Variants in CD3E observed in about 807,000 individuals in gnomAD.
CD3E encodes the protein CD3 epsilon subunit of T-cell receptor complex, also known as T-cell surface glycoprotein CD3 epsilon chain.
Under a neutral mutation model 34.7 loss-of-function variants are expected in CD3E, and 16 were observed. That is an observed-to-expected ratio of 0.46 (90% CI 0.31 to 0.70). The LOEUF is 0.70. CD3E is among the 30% of genes least tolerant of loss of function. CD3E has a pLI of 0.05. For missense variants in CD3E, 223 were observed against 253.9 expected (o/e 0.88, Z 0.83); for synonymous variants, 70 against 90.8 (o/e 0.77, Z 1.30).
intron 8 of CD3E, 91 bp from the exon 9 acceptor site, chr11:118,315,395 T>G (rs1948160454): frequency 9.0e-7 from 1 of 1,114,270 alleles, no homozygotes; most frequent in East Asian, 2.5e-5. Flanking sequence ...CCAAAGTTCT[T>G]CCCACGCACT....
At chr11:118,314,160 G>C (rs773365579) in intron 7 of CD3E, among the ~76,000 whole-genome samples, 1 of 152,178 alleles carries the variant, frequency 6.6e-6, no homozygotes, top group Non-Finnish European at 1.5e-5. Flanking sequence ...GCTGTGGGAA[G>C]AGAGACTTTG....
At chr11:118,307,242 A>T in intron 2 of CD3E, 46 bp from the exon 3 acceptor site, 1 of 1,502,852 alleles carries the variant, frequency 6.7e-7, no homozygotes, top group African/African-American at 1.4e-5. Flanking sequence ...GAATGCAGGT[A>T]CCCACAACAT....
rs1948119244 is a variant in CD3E, at chr11:118,308,432, G to A, written c.76G>A (p.Glu26Lys). Residue 26 changes from glutamate to lysine, a missense_variant, in exon 4 of 9, where the codon GAA (glutamate) becomes AAA (lysine). Glu to Lys is a moderately conservative substitution (Grantham distance 56, BLOSUM62 1). Transcript: ENST00000361763. ...SVGVWGQDGN[E>K]EMGGITQTPY... ...TCTTACTGTTTCCTTTTCAGGTAAT[G>A]AAGAAATGGGTAAGAAGATTTCCAC... 4 of 1,592,420 alleles carry A rather than the reference G, an allele frequency of 2.5e-6. No individual in the cohort carries two copies. The highest frequency in any genetic ancestry group is 3.4e-6 in the Non-Finnish European group (4 of 1,162,878).
intron 6 of CD3E, chr11:118,313,469 C>G (rs1295704777): frequency 1.8e-6 from 1 of 551,744 alleles, no homozygotes; most frequent in Non-Finnish European, 3.3e-6. Flanking sequence ...CTTCTCACAG[C>G]TAGTGAGTAA....
At chr11:118,308,672 G>A (rs1047320016) in intron 4 of CD3E, among the ~76,000 whole-genome samples, 26 of 152,202 alleles carry the variant, frequency 1.7e-4, no homozygotes, top group Middle Eastern at 3.2e-3. Context: ...GTGGGTTGGA[G>A]CTACCATGTG....
At chr11:118,306,120 GACTCCTGT>G (rs1948103904) in intron 2 of CD3E, among the ~76,000 whole-genome samples, 1 of 152,158 alleles carries the variant, frequency 6.6e-6, no homozygotes, top group South Asian at 2.1e-4. Flanking sequence ...GGCAGGATGT[GACTCCTGT>G]AAGGAGTGGC....
At chr11:118,304,853 C>A in intron 1 of CD3E, 41 bp from the exon 2 acceptor site, 1 of 983,380 alleles carries the variant, frequency 1.0e-6, no homozygotes, top group Non-Finnish European at 1.7e-6. Context: ...TTATCTCTAG[C>A]AGATGTTTTG....
intron 3 of CD3E, 110 bp downstream of exon 3, chr11:118,307,418 A>T: frequency 1.0e-6 from 1 of 962,848 alleles, no homozygotes; most frequent in Non-Finnish European, 1.6e-6. Flanking sequence ...AGAGGTCAGG[A>T]AAAGGAGTTT....
chr11:118,307,793 C>T lies in CD3E; in HGVS notation c.70+485C>T, dbSNP rs537800657. ...CCTGAACTTACTCTCTCAACCACAG[C>T]GGTAGAGTCAGGAGTGTTCCAACAT... On this transcript the variant is annotated intron_variant, in intron 3 of 8. Coordinates refer to ENST00000361763, the MANE Select transcript of CD3E (RefSeq NM_000733.4). 7.2e-5 allele frequency among the ~76,000 whole-genome samples: 11 copies of T among 152,284 alleles called. 1 individual carries two copies. Among genetic ancestry groups the T allele is most frequent in the Middle Eastern group, 6.8e-3 (2 of 294 alleles).
Position 118,310,658 on chromosome 11 carries a change from A to G in CD3E, c.86-1495A>G, listed in dbSNP as rs1446407532. Among the ~76,000 whole-genome samples, 5 of 152,322 alleles carry G rather than the reference A, an allele frequency of 3.3e-5. No homozygotes were observed. The East Asian group carries it at 7.7e-4, about 23-fold the overall frequency. ...GCATGAGTTAAGTCTAAGCTCTGCT[A>G]CTGAATTTGTGCCAATAAAAGTTGT... On this transcript the variant is annotated intron_variant, in intron 4 of 8. Transcript: ENST00000361763.
chr11:118,312,113 A>G lies in CD3E; in HGVS notation c.86-40A>G, dbSNP rs778981649. The G allele has an allele frequency of 3.8e-6, 6 of 1,583,972 alleles. No homozygotes were observed. The Admixed American group carries it at 1.0e-4, about 26-fold the overall frequency. ...TTTACCTACAATTTAAACTTAAACC[A>G]TGATATTTTCTTACTGCTGTTTCCT... On this transcript the variant is annotated intron_variant, in intron 4 of 8. Coordinates refer to ENST00000361763, the MANE Select transcript of CD3E (RefSeq NM_000733.4).
chr11:118,315,969 T>G lies in CD3E; in HGVS notation c.*427T>G, dbSNP rs979957165. ...CTCTGGGGATGGACTGGGTAAATGT[T>G]GACAGAGGCCCTGCCCCGTTCACAG... On this transcript the variant is annotated 3_prime_UTR_variant, in exon 9 of 9. Transcript: ENST00000361763. The G allele has an allele frequency of 1.4e-5, 4 of 293,506 alleles. No homozygotes were observed. The highest frequency in any genetic ancestry group is 2.6e-5 in the Non-Finnish European group (4 of 151,052). The allele number at this position is 293,506 out of a possible 1,614,324, so 18.2% of individuals were successfully genotyped here. A position where few individuals can be genotyped will look rare whatever the true frequency, so the allele number is the denominator to read the frequency against.
chr11:118,304,836 A>T, intron 1 of CD3E, 58 bp from the exon 2 acceptor site: 1 of 858,670 alleles, frequency 1.2e-6, no homozygotes, highest in Non-Finnish European at 2.0e-6. Flanking sequence ...CAATGGCCCC[A>T]GGGTCCTTAT....
At position 118,313,793 on chromosome 11, in the gene CD3E, C is replaced by T. The variant is rs748959958; in HGVS notation, c.439C>T (p.Leu147=). Residue 147 remains leucine (L), a synonymous_variant, in exon 7 of 9, where the codon CTG becomes TTG. Coordinates refer to ENST00000361763, the MANE Select transcript of CD3E (RefSeq NM_000733.4). ...CTGCATCACTGGGGGCTTGCTGCTG[C>T]TGGTTTACTACTGGAGCAAGAATAG... ...DICITGGLLL[L]VYYWSKNRKA... is the part of the protein sequence containing the mutation. 1 of 1,614,100 alleles carries T rather than the reference C, an allele frequency of 6.2e-7. No homozygotes were observed. Among genetic ancestry groups the T allele is most frequent in the East Asian group, 2.2e-5 (1 of 44,882 alleles).
In CD3E at chr11:118,304,882, C is replaced by CT. The variant is rs1948097289; in HGVS notation, c.-59-5dup. On this transcript the variant is annotated splice_polypyrimidine_tract_variant and intron_variant, in intron 1 of 8. Coordinates refer to ENST00000361763, the MANE Select transcript of CD3E (RefSeq NM_000733.4). ...TGTTTTGAAAAAGTCATCTGTTTTG[C>CT]TTTTTTTCCAGAAGTAGTAAGTCTG... is the stretch of plus-strand genomic sequence containing the variant. The CT allele has an allele frequency of 5.6e-6, 8 of 1,432,680 alleles. No individual in the cohort carries two copies. The highest frequency in any genetic ancestry group is 7.9e-6 in the Non-Finnish European group (8 of 1,014,612). 88.7% of individuals were successfully genotyped at this position (1,432,680 alleles called of 1,614,324 possible).
At chr11:118,312,242 T>C (rs762016302) in intron 5 of CD3E, 72 bp downstream of exon 5, 25 of 1,264,164 alleles carry the variant, frequency 2.0e-5, no homozygotes, top group Non-Finnish European at 2.7e-5. Flanking sequence ...AAGGAACTGA[T>C]TGAGAGAGAT....
At chr11:118,308,485 G>T (rs1599809) in intron 4 of CD3E, 44 bp downstream of exon 4, 1 of 1,275,004 alleles carries the variant, frequency 7.8e-7, no homozygotes, top group South Asian at 1.2e-5. Flanking sequence ...TTCAAATATG[G>T]AATGAAATGC....
chr11:118,315,913 C>G lies in CD3E; in HGVS notation c.*371C>G, dbSNP rs777249228. ...CCCCCATCCCAAAGTATTCCATCTACTTTTCTATCGCCGTCCCCTTTTGCA... is the reference window on the plus strand; with the variant it reads ...CCCCCATCCCAAAGTATTCCATCTAGTTTTCTATCGCCGTCCCCTTTTGCA... On this transcript the variant is annotated 3_prime_UTR_variant, in exon 9 of 9. Coordinates refer to ENST00000361763, the MANE Select transcript of CD3E (RefSeq NM_000733.4). The G allele has an allele frequency of 2.8e-6, 1 of 361,424 alleles. No individual in the cohort carries two copies. Among genetic ancestry groups the G allele is most frequent in the Non-Finnish European group, 5.2e-6 (1 of 192,852 alleles). The allele number at this position is 361,424 out of a possible 1,614,324, so 22.4% of individuals were successfully genotyped here.
At chr11:118,310,346 G>C (rs182811812) in intron 4 of CD3E, among the ~76,000 whole-genome samples, 1 of 152,208 alleles carries the variant, frequency 6.6e-6, no homozygotes, top group Admixed American at 6.5e-5. Context: ...TCATCATTTA[G>C]CTCCCACTTC....
Sources: gnomAD v4.1 joint callset for allele counts (sites outside exome capture counted in the v4.1 genomes callset) on GRCh38, gnomAD v4.1.1 for gene constraint, MANE v1.5 for transcripts, NCBI Gene and HGNC (gene_info 2026-07-23, HGNC 2026-07-21) for gene names.